The following CFAP95 variants were observed in gnomAD, a reference collection of about 807,000 sequenced individuals.
The protein encoded by CFAP95 is cilia- and flagella-associated protein 95.
the CFAP95 span, among the ~76,000 whole-genome samples, chr9:69,872,531 T>G: frequency 6.6e-6 from 1 of 152,154 alleles, no homozygotes; most frequent in Non-Finnish European, 1.5e-5. Flanking sequence ...GGGTCACAGT[T>G]CCGTGTTCTT....
chr9:69,900,490 T>G, the CFAP95 span, among the ~76,000 whole-genome samples: 1 of 152,254 alleles, frequency 6.6e-6, no homozygotes, highest in Admixed American at 6.5e-5. Context: ...CTGGCATTAG[T>G]GGCCAAACTT....
At chr9:69,841,186 A>ATATATATATATATATATAT in the CFAP95 span, among the ~76,000 whole-genome samples, 1 of 130,612 alleles carries the variant, frequency 7.7e-6, no homozygotes, top group Admixed American at 7.9e-5. Context: ...ATATATATAT[A>ATATATATATATATATATAT]TATATATATA....
the CFAP95 span, among the ~76,000 whole-genome samples, chr9:69,839,711 C>G: frequency 7.3e-5 from 11 of 151,008 alleles, no homozygotes; most frequent in Non-Finnish European, 1.5e-4. Flanking sequence ...ACAGTGTGAG[C>G]CACCATGTCT....
the CFAP95 span, among the ~76,000 whole-genome samples, chr9:69,856,369 A>G: frequency 6.6e-6 from 1 of 152,244 alleles, no homozygotes; most frequent in South Asian, 2.1e-4. Context: ...TCCCAACAGC[A>G]TCCAGTAATT....
the CFAP95 span, among the ~76,000 whole-genome samples, chr9:69,857,351 A>G: frequency 1.3e-5 from 2 of 152,344 alleles, no homozygotes; most frequent in African/African-American, 2.4e-5. Context: ...TGTATGACAC[A>G]TAGCCTTTGT....
the CFAP95 span, among the ~76,000 whole-genome samples, chr9:69,824,355 C>T: frequency 3.3e-4 from 50 of 152,248 alleles, no homozygotes; most frequent in African/African-American, 1.1e-3. Flanking sequence ...CCACTTGCTA[C>T]GATTTATTTG....
chr9:69,859,587 T>G, the CFAP95 span, among the ~76,000 whole-genome samples: 1 of 152,190 alleles, frequency 6.6e-6, no homozygotes, highest in African/African-American at 2.4e-5. Flanking sequence ...GCTCCGAGCC[T>G]GTGAGTGAGG....
chr9:69,837,949 T>C, the CFAP95 span, among the ~76,000 whole-genome samples: 2 of 152,242 alleles, frequency 1.3e-5, no homozygotes, highest in Non-Finnish European at 2.9e-5. Context: ...TTTCTACATA[T>C]GACTAGCCAG....
chr9:69,868,897 G>T, the CFAP95 span, among the ~76,000 whole-genome samples: 2 of 150,726 alleles, frequency 1.3e-5, no homozygotes, highest in Admixed American at 6.6e-5. Context: ...TATTTAAAAA[G>T]GTGCTCAACA....
At chr9:69,894,110 C>A in the CFAP95 span, among the ~76,000 whole-genome samples, 1 of 152,110 alleles carries the variant, frequency 6.6e-6, no homozygotes, top group Non-Finnish European at 1.5e-5. Flanking sequence ...CCTTTCTAAC[C>A]TAAATATCTT....
chr9:69,899,879 T>C, the CFAP95 span, among the ~76,000 whole-genome samples: 2 of 152,224 alleles, frequency 1.3e-5, no homozygotes, highest in African/African-American at 4.8e-5. Flanking sequence ...GGGAGAGGAC[T>C]CTTGGAAATT....
chr9:69,889,188 G>T, the CFAP95 span, among the ~76,000 whole-genome samples: 2 of 152,138 alleles, frequency 1.3e-5, no homozygotes, highest in Non-Finnish European at 2.9e-5. Flanking sequence ...GTTCAAAAAT[G>T]GAAACCGTAT....
the CFAP95 span, chr9:69,820,932 G>A: frequency 1.2e-6 from 2 of 1,614,050 alleles, no homozygotes; most frequent in Non-Finnish European, 1.7e-6. Context: ...AAGCAACACT[G>A]GTTGGAGATC....
At chr9:69,864,754 C>G in the CFAP95 span, among the ~76,000 whole-genome samples, 40 of 152,232 alleles carry the variant, frequency 2.6e-4, 1 homozygote, top group East Asian at 6.0e-3. Context: ...ATCTATAAAA[C>G]CTTTGGTACT....
the CFAP95 span, among the ~76,000 whole-genome samples, chr9:69,867,648 A>T: frequency 1.3e-5 from 2 of 152,204 alleles, no homozygotes; most frequent in East Asian, 3.9e-4. Context: ...GGCAGAAATG[A>T]TATCCTGGGA....
chr9:69,823,083 A>G, the CFAP95 span, among the ~76,000 whole-genome samples: 1 of 152,204 alleles, frequency 6.6e-6, no homozygotes, highest in Non-Finnish European at 1.5e-5. Flanking sequence ...AAGAGGTTTA[A>G]TTGACTTACA....
the CFAP95 span, among the ~76,000 whole-genome samples, chr9:69,831,964 A>G: frequency 6.6e-6 from 1 of 152,216 alleles, no homozygotes; most frequent in African/African-American, 2.4e-5. Context: ...CATAAACTAT[A>G]AGAACAGCCA....
At chr9:69,822,974 C>T in the CFAP95 span, among the ~76,000 whole-genome samples, 1 of 152,110 alleles carries the variant, frequency 6.6e-6, no homozygotes, top group East Asian at 1.9e-4. Flanking sequence ...TAGCATCATT[C>T]TAGGAAAATC....
At chr9:69,895,247 G>A in the CFAP95 span, among the ~76,000 whole-genome samples, 13 of 151,800 alleles carry the variant, frequency 8.6e-5, no homozygotes, top group Non-Finnish European at 1.9e-4. Flanking sequence ...TGGAAAAAAA[G>A]GAATTCAGTC....
Sources: gnomAD v4.1 joint callset for allele counts (sites outside exome capture counted in the v4.1 genomes callset) on GRCh38, gnomAD v4.1.1 for gene constraint, MANE v1.5 for transcripts, NCBI Gene and HGNC (gene_info 2026-07-23, HGNC 2026-07-21) for gene names.